Variants in RBFOX1 observed in about 807,000 individuals in gnomAD.
RBFOX1 encodes RNA binding fox-1 homolog 1, also known as RNA binding protein fox-1 homolog 1.
RBFOX1 carries 8 observed loss-of-function variants against 57.7 expected under a neutral mutation model. That is an observed-to-expected ratio of 0.14 (90% CI 0.08 to 0.25). The LOEUF (loss-of-function observed/expected upper bound fraction) is 0.25, where lower values mean the gene tolerates loss of function less well. Among genes scored for constraint, RBFOX1 ranks in the 10% least tolerant of loss-of-function variants. The pLI, the probability that RBFOX1 is intolerant of heterozygous loss-of-function variation, is 1.00. For synonymous variants in RBFOX1, 326 were observed against 222.4 expected, an observed-to-expected ratio of 1.47 and a Z score of -4.15; for missense variants, 611 against 548.5, an observed-to-expected ratio of 1.11 and a Z score of -1.14.
At chr16:6,342,398 G>A (rs755409468) in intron 2 of RBFOX1, among the ~76,000 whole-genome samples, 5 of 152,116 alleles carry the variant, frequency 3.3e-5, no homozygotes, top group African/African-American at 7.2e-5. Context: ...TTTTGCCATG[G>A]CAATCTTTTC....
intron 3 of RBFOX1, among the ~76,000 whole-genome samples, chr16:6,672,208 G>C (rs2098769926): frequency 6.6e-6 from 1 of 152,106 alleles, no homozygotes; most frequent in Non-Finnish European, 1.5e-5. Context: ...AAATACAAAG[G>C]TCATTGAAAT....
chr16:6,377,098 T>C (rs2534743), intron 2 of RBFOX1, among the ~76,000 whole-genome samples: 93,369 of 151,046 alleles, frequency 0.62, 29,402 homozygotes, highest in African/African-American at 0.73. Flanking sequence ...CATGGAAAAA[T>C]TCCATCCCTA....
intron 3 of RBFOX1, among the ~76,000 whole-genome samples, chr16:6,670,939 G>T (rs1253023848): frequency 6.6e-6 from 1 of 152,172 alleles, no homozygotes; most frequent in Non-Finnish European, 1.5e-5. Flanking sequence ...GGCGGAGCTT[G>T]CAGCGAGCCG....
At chr16:5,780,758 G>A (rs1016593014) in intron 3 of RBFOX1, among the ~76,000 whole-genome samples, 1 of 152,212 alleles carries the variant, frequency 6.6e-6, no homozygotes, top group Non-Finnish European at 1.5e-5. Context: ...TGTACAGGCA[G>A]CTCCCGAGAG....
chr16:7,414,989 T>C (rs1002183904), intron 4 of RBFOX1, among the ~76,000 whole-genome samples: 24 of 151,968 alleles, frequency 1.6e-4, no homozygotes, highest in African/African-American at 5.6e-4. Context: ...ATGAGGGGAG[T>C]TGTGAGGAGC....
chr16:7,539,784 G>T (rs1188655889), intron 5 of RBFOX1, among the ~76,000 whole-genome samples: 1 of 152,172 alleles, frequency 6.6e-6, no homozygotes, highest in Admixed American at 6.5e-5. Flanking sequence ...GATGAGGCTT[G>T]GGAGATGAAA....
Position 5,249,364 on chromosome 16 carries a change from G to T in RBFOX1, c.219+9259G>T, listed in dbSNP as rs115443154. Among the ~76,000 whole-genome samples the T allele has an allele frequency of 8.1e-3, 1,240 of 152,306 alleles. 14 individuals carry two copies. Among genetic ancestry groups the T allele is most frequent in the African/African-American group, 0.028 (1,162 of 41,550 alleles). On this transcript the variant is annotated intron_variant, in intron 1 of 2. Coordinates refer to the RBFOX1 transcript ENST00000585867. The stretch of plus-strand genomic sequence containing the variant: ...ACCGTCCTCCTGGAGGGGCCTGGCC[G>T]GGGCTTGTGTCCTTGCTAGTCTCTG...
intron 2 of RBFOX1, among the ~76,000 whole-genome samples, chr16:6,500,399 C>G (rs3095508): frequency 5.3e-5 from 8 of 151,950 alleles, no homozygotes; most frequent in Admixed American, 3.9e-4. Context: ...AGGATATTCA[C>G]TGACCATTTA....
chr16:6,389,338 C>G (rs1159270891), intron 2 of RBFOX1, among the ~76,000 whole-genome samples: 1 of 148,080 alleles, frequency 6.8e-6, no homozygotes, highest in Non-Finnish European at 1.5e-5. Flanking sequence ...CTGCCCACCA[C>G]TAGCTTACAT....
At chr16:6,807,468 C>T (rs75289583) in intron 3 of RBFOX1, among the ~76,000 whole-genome samples, 3,028 of 152,116 alleles carry the variant, frequency 0.02, 85 homozygotes, top group African/African-American at 0.068. Flanking sequence ...GCACACAGGG[C>T]TGGGGTCCTG....
chr16:5,822,008 T>G (rs1484994270), intron 3 of RBFOX1, among the ~76,000 whole-genome samples: 3 of 152,232 alleles, frequency 2.0e-5, no homozygotes, highest in Non-Finnish European at 4.4e-5. Context: ...ATATCAGGTA[T>G]GAACACTTAA....
chr16:7,006,080 C>G (rs938655028), intron 3 of RBFOX1, among the ~76,000 whole-genome samples: 1 of 152,170 alleles, frequency 6.6e-6, no homozygotes, highest in Non-Finnish European at 1.5e-5. Context: ...GTAAACCCTA[C>G]TTTGTTCAAA....
At chr16:7,503,757 C>A (rs1005542281) in intron 4 of RBFOX1, among the ~76,000 whole-genome samples, 16 of 152,132 alleles carry the variant, frequency 1.1e-4, no homozygotes, top group African/African-American at 3.4e-4. Flanking sequence ...CTTTCCCTTA[C>A]AAAAATTCAC....
chr16:6,838,889 G>C (rs1246275544), intron 3 of RBFOX1, among the ~76,000 whole-genome samples: 1 of 151,574 alleles, frequency 6.6e-6, no homozygotes, highest in Non-Finnish European at 1.5e-5. Flanking sequence ...CACAGAAAAA[G>C]GATTCTTCAT....
intron 2 of RBFOX1, among the ~76,000 whole-genome samples, chr16:6,581,738 G>T (rs948655232): frequency 6.6e-6 from 1 of 152,198 alleles, no homozygotes; most frequent in Non-Finnish European, 1.5e-5. Flanking sequence ...GTTTATGGAG[G>T]TCACCTGGAA....
chr16:7,681,736 G>A (rs759814550), intron 14 of RBFOX1, among the ~76,000 whole-genome samples: 2 of 151,714 alleles, frequency 1.3e-5, no homozygotes, highest in East Asian at 1.9e-4. Context: ...TTTTCCCATG[G>A]GATAGGATAT....
At chr16:6,672,912 C>G (rs539056486) in intron 3 of RBFOX1, among the ~76,000 whole-genome samples, 128 of 152,238 alleles carry the variant, frequency 8.4e-4, no homozygotes, top group African/African-American at 2.8e-3. Flanking sequence ...CTGAATCCCC[C>G]TAGACCCCAG....
chr16:5,903,323 A>G (rs2058356061), intron 4 of RBFOX1, among the ~76,000 whole-genome samples: 1 of 152,158 alleles, frequency 6.6e-6, no homozygotes, highest in Non-Finnish European at 1.5e-5. Flanking sequence ...TGCATGCTCC[A>G]GTATCAACCT....
chr16:5,335,887 G>C (rs2064883662), intron 1 of RBFOX1, among the ~76,000 whole-genome samples: 2 of 152,122 alleles, frequency 1.3e-5, no homozygotes, highest in Admixed American at 6.5e-5. Context: ...CATGGTGATG[G>C]TAATTATACC....
Sources: gnomAD v4.1 joint callset for allele counts (sites outside exome capture counted in the v4.1 genomes callset) on GRCh38, gnomAD v4.1.1 for gene constraint, MANE v1.5 for transcripts, NCBI Gene and HGNC (gene_info 2026-07-23, HGNC 2026-07-21) for gene names.